PKIB: variants seen among roughly 807,000 people sequenced by gnomAD.
PKIB encodes cAMP-dependent protein kinase inhibitor beta.
In PKIB, 2 loss-of-function variants were observed where a neutral mutation model predicts 4.5. The ratio of observed to expected loss-of-function variants is 0.44; its 90% confidence interval spans 0.18 to 1.39. The LOEUF (loss-of-function observed/expected upper bound fraction) is 1.39, where lower values mean the gene tolerates loss of function less well. Among genes scored for constraint, PKIB ranks in the 40% most tolerant of loss-of-function variants. The pLI is 0.27. For synonymous variants in PKIB, 38 were observed against 36.0 expected, an observed-to-expected ratio of 1.06 and a Z score of -0.20; for missense variants, 94 against 92.6, an observed-to-expected ratio of 1.02 and a Z score of -0.06.
intron 2 of PKIB, among the ~76,000 whole-genome samples, chr6:122,546,783 T>C (rs1374840463): frequency 2.0e-5 from 3 of 152,062 alleles, no homozygotes; most frequent in African/African-American, 7.3e-5. Flanking sequence ...AATTAATGAA[T>C]TGAATGCTAA....
chr6:122,595,700 C>T (rs1274199923), intron 3 of PKIB, among the ~76,000 whole-genome samples: 7 of 152,216 alleles, frequency 4.6e-5, no homozygotes, highest in Non-Finnish European at 5.9e-5. Context: ...GGCAATTGGG[C>T]ACTCAGCAGT....
At chr6:122,615,627 A>G (rs1774949979) in intron 1 of PKIB, among the ~76,000 whole-genome samples, 1 of 152,170 alleles carries the variant, frequency 6.6e-6, no homozygotes, top group Non-Finnish European at 1.5e-5. Flanking sequence ...ATCACTACAT[A>G]TGCAATTAGC....
intron 2 of PKIB, among the ~76,000 whole-genome samples, chr6:122,661,297 G>T (rs984500492): frequency 6.6e-6 from 1 of 152,014 alleles, no homozygotes; most frequent in African/African-American, 2.4e-5. Context: ...TCCATTTTAG[G>T]TCATTTTCAT....
intron 3 of PKIB, among the ~76,000 whole-genome samples, chr6:122,678,976 G>A (rs1049171005): frequency 5.3e-5 from 8 of 152,220 alleles, no homozygotes; most frequent in Non-Finnish European, 8.8e-5. Flanking sequence ...ACACGTGGCG[G>A]GAGGCCTGTG....
intron 3 of PKIB, among the ~76,000 whole-genome samples, chr6:122,687,297 G>A (rs911196416): frequency 6.6e-6 from 1 of 152,070 alleles, no homozygotes; most frequent in African/African-American, 2.4e-5. Context: ...ATTTGTTTCT[G>A]GGTACTTTAT....
chr6:122,601,797 G>C (rs1347149550), intron 3 of PKIB, among the ~76,000 whole-genome samples: 1 of 152,082 alleles, frequency 6.6e-6, no homozygotes, highest in Admixed American at 6.6e-5. Context: ...TTAATCAACT[G>C]TTTGTGTTAT....
chr6:122,574,813 A>C (rs9490481), intron 2 of PKIB, among the ~76,000 whole-genome samples: 2,199 of 152,282 alleles, frequency 0.014, 56 homozygotes, highest in African/African-American at 0.051. Flanking sequence ...ATAACATCAG[A>C]AAACTCTTCT....
At chr6:122,584,612 A>G (rs12055505) in intron 2 of PKIB, among the ~76,000 whole-genome samples, 15,365 of 152,186 alleles carry the variant, frequency 0.1, 971 homozygotes, top group East Asian at 0.18. Context: ...AGACTTAAAT[A>G]CAGTTTTAAT....
At chr6:122,598,301 A>C (rs1401270456) in intron 3 of PKIB, among the ~76,000 whole-genome samples, 1 of 152,174 alleles carries the variant, frequency 6.6e-6, no homozygotes, top group African/African-American at 2.4e-5. Context: ...TATCAATTTA[A>C]CTTCTGGGAA....
chr6:122,524,836 T>C lies in PKIB; in HGVS notation c.-248+46897T>C, dbSNP rs1036970566. Among the ~76,000 whole-genome samples, 9 of 151,798 alleles carry C rather than the reference T, an allele frequency of 5.9e-5. No homozygotes were observed. In the South Asian group the frequency reaches 6.2e-4, roughly 10 times the overall value. On this transcript the variant is annotated intron_variant, in intron 2 of 6. Transcript: ENST00000392491. ...AGTTGTAATATCCCCTCTTTGTTTCTGATTTTAGTTGTCTTTCTTTTTTTT... is the reference window on the plus strand; with the variant it reads ...AGTTGTAATATCCCCTCTTTGTTTCCGATTTTAGTTGTCTTTCTTTTTTTT...
In PKIB at chr6:122,638,870, A is replaced by C. The variant is rs1400783091; in HGVS notation, c.-76+5503A>C. On this transcript the variant is annotated intron_variant, in intron 2 of 4. Transcript: ENST00000368452. The stretch of plus-strand genomic sequence containing the variant: ...GGCAGATTCATCCTGCTGGCTCAGG[A>C]GATGTGCCTAAAAGTGCCTGAAACT... Among the ~76,000 whole-genome samples, 5 of 152,306 alleles carry C rather than the reference A, an allele frequency of 3.3e-5. No individual in the cohort carries two copies. In the East Asian group the frequency reaches 9.7e-4, roughly 29 times the overall value.
At chr6:122,691,658 G>A (rs1582816302) in intron 3 of PKIB, among the ~76,000 whole-genome samples, 1 of 151,890 alleles carries the variant, frequency 6.6e-6, no homozygotes, top group Non-Finnish European at 1.5e-5. Context: ...CTGTCTGAAA[G>A]GTCACATATC....
intron 2 of PKIB, among the ~76,000 whole-genome samples, chr6:122,520,668 C>CCT (rs1554217192): frequency 8.5e-6 from 1 of 116,982 alleles, no homozygotes; most frequent in African/African-American, 3.3e-5. Flanking sequence ...TGTTCCCACC[C>CCT]CCCCCCCACC....
At chr6:122,527,704 T>C (rs1180095888) in intron 2 of PKIB, among the ~76,000 whole-genome samples, 2 of 152,104 alleles carry the variant, frequency 1.3e-5, no homozygotes, top group African/African-American at 4.8e-5. Context: ...CCTACAGATA[T>C]AATAATAATG....
chr6:122,684,757 G>A (rs370687866), intron 3 of PKIB, among the ~76,000 whole-genome samples: 13 of 151,982 alleles, frequency 8.6e-5, no homozygotes, highest in African/African-American at 2.9e-4. Flanking sequence ...ATTTCTTCTA[G>A]CTCCAAAATT....
intron 2 of PKIB, among the ~76,000 whole-genome samples, chr6:122,648,403 A>G (rs570278286): frequency 1.5e-4 from 23 of 152,316 alleles, no homozygotes; most frequent in African/African-American, 5.5e-4. Flanking sequence ...GATTTAGAAC[A>G]TATACAGCCT....
intron 2 of PKIB, among the ~76,000 whole-genome samples, chr6:122,571,273 G>A (rs1472475552): frequency 6.6e-6 from 1 of 152,092 alleles, no homozygotes; most frequent in Non-Finnish European, 1.5e-5. Flanking sequence ...CCAAACCTAA[G>A]AATAATTGAT....
chr6:122,599,567 C>T (rs944120138), intron 3 of PKIB, among the ~76,000 whole-genome samples: 2 of 152,132 alleles, frequency 1.3e-5, no homozygotes, highest in African/African-American at 4.8e-5. Flanking sequence ...CTTTTGAAGC[C>T]AGGAGACAGA....
intron 2 of PKIB, among the ~76,000 whole-genome samples, chr6:122,545,633 C>T (rs1052206742): frequency 6.6e-6 from 1 of 150,786 alleles, no homozygotes; most frequent in South Asian, 2.1e-4. Flanking sequence ...CTGTTGTTCC[C>T]TTCTTTGTGG....
Sources: allele counts gnomAD v4.1 joint callset (sites outside exome capture counted in the v4.1 genomes callset), GRCh38; gene constraint gnomAD v4.1.1; transcripts MANE v1.5; gene names NCBI Gene and HGNC (gene_info 2026-07-23, HGNC 2026-07-21).